SF3B6: variants seen among roughly 807,000 people sequenced by gnomAD.
SF3B6 encodes the protein SF3b 14 kDa subunit.
In SF3B6, 3 loss-of-function variants were observed where a neutral mutation model predicts 15.9. The ratio of observed to expected loss-of-function variants is 0.19; its 90% CI spans 0.09 to 0.49. The LOEUF (loss-of-function observed/expected upper bound fraction) is 0.49, where lower values mean the gene tolerates loss of function less well. Among genes scored for constraint, SF3B6 ranks in the 20% least tolerant of loss-of-function variants. The pLI is 0.97. For synonymous variants in SF3B6, 49 were observed against 51.1 expected, an observed-to-expected ratio of 0.96 and a Z score of 0.18; for missense variants, 71 against 154.3, an observed-to-expected ratio of 0.46 and a Z score of 2.86.
At chr2:24,073,934 C>G (rs1351615831) in intron 2 of SF3B6, 142 bp downstream of exon 2, 1 of 626,848 alleles carries the variant, frequency 1.6e-6, no homozygotes, top group African/African-American at 1.9e-5. Flanking sequence ...GATCTCATCT[C>G]TCTGATCTCA....
chr2:24,068,453 G>T lies in SF3B6; in HGVS notation c.156C>A (p.Asn52Lys), dbSNP rs41281479. ...YGPIRQIRVG[N>K]TPETRGTAYV... ...AAGCTGTTCCTCTAGTTTCAGGTGT[G>T]TTCCCCCTGGAGAGGTAAGTTAAAC... is the stretch of plus-strand genomic sequence containing the variant. The change falls in exon 3 of 4, where the codon AAC (asparagine) becomes AAA (lysine). Residue 52 changes from asparagine to lysine, a missense_variant. Coordinates refer to ENST00000233468, the MANE Select transcript of SF3B6 (RefSeq NM_016047.4). 6.2e-7 allele frequency: 1 copy of T among 1,611,478 alleles called. No individual in the cohort carries two copies. The highest frequency in any genetic ancestry group is 8.5e-7 in the Non-Finnish European group (1 of 1,179,004).
chr2:24,076,104 C>A, intron 1 of SF3B6, 96 bp downstream of exon 1: 2 of 1,494,966 alleles, frequency 1.3e-6, no homozygotes, highest in Non-Finnish European at 1.9e-6. Context: ...GTTCTCCGCT[C>A]TGGGGACGGA....
At chr2:24,070,200 C>T (rs1324223078) in intron 2 of SF3B6, among the ~76,000 whole-genome samples, 1 of 152,182 alleles carries the variant, frequency 6.6e-6, no homozygotes, top group Non-Finnish European at 1.5e-5. Context: ...CTTTTAAAAG[C>T]ATGTATCTGT....
chr2:24,068,418 T>C lies in SF3B6; in HGVS notation c.191A>G (p.Tyr64Cys), dbSNP rs765449089. Residue 64 changes from tyrosine (Y) to cysteine (C), a missense_variant, in exon 3 of 4, where the codon TAT becomes TGT. This residue lies in a region of SF3B6 where 52 missense variants were observed against 113.2 expected (regional missense o/e 0.46). Transcript: ENST00000233468. ...PETRGTAYVV[Y>C]EDIFDAKNAC... ...ATTCTTGGCATCAAAGATGTCCTCA[T>C]AGACCACATAAGCTGTTCCTCTAGT... The C allele has an allele frequency of 6.2e-6, 10 of 1,614,000 alleles. No individual in the cohort carries two copies. In the African/African-American group the frequency reaches 6.7e-5, roughly 11 times the overall value.
intron 1 of SF3B6, among the ~76,000 whole-genome samples, chr2:24,075,950 G>A (rs1297082351): frequency 1.3e-5 from 2 of 151,980 alleles, no homozygotes; most frequent in African/African-American, 4.8e-5. Flanking sequence ...CAAGCAAAGA[G>A]GCTATAGGGG....
intron 2 of SF3B6, among the ~76,000 whole-genome samples, chr2:24,071,048 A>G (rs1664644428): frequency 6.6e-6 from 1 of 151,984 alleles, no homozygotes; most frequent in African/African-American, 2.4e-5. Flanking sequence ...GCTGGAGTAC[A>G]GTGGCATGAT....
At chr2:24,074,505 A>T (rs183822504) in intron 1 of SF3B6, among the ~76,000 whole-genome samples, 155 of 152,100 alleles carry the variant, frequency 1.0e-3, no homozygotes, top group Non-Finnish European at 2.0e-3. Flanking sequence ...CAAAAATTTT[A>T]AAAAATTAGC....
chr2:24,069,335 G>A (rs1053965142), intron 2 of SF3B6, among the ~76,000 whole-genome samples: 2 of 152,230 alleles, frequency 1.3e-5, no homozygotes, highest in Non-Finnish European at 2.9e-5. Flanking sequence ...CGAGGTTGCT[G>A]TTAGTGTAGT....
chr2:24,074,084 T>C lies in SF3B6; in HGVS notation c.141A>G (p.Gln47=). The change falls in exon 2 of 4, where the codon CAA becomes CAG. Residue 47 remains glutamine (Q), a synonymous_variant. Transcript: ENST00000233468. ...GACTCAGTAAGACTCACACTCTGAT[T>C]TGACGAATAGGTCCATATTTCCCAA... ...DIFGKYGPIR[Q]IRVGNTPETR... The C allele has an allele frequency of 6.4e-7, 1 of 1,561,738 alleles. No homozygotes were observed. Among genetic ancestry groups the C allele is most frequent in the Non-Finnish European group, 8.8e-7 (1 of 1,135,590 alleles).
At chr2:24,076,013 G>A (rs1664739342) in intron 1 of SF3B6, among the ~76,000 whole-genome samples, 187 bp downstream of exon 1, 1 of 152,078 alleles carries the variant, frequency 6.6e-6, no homozygotes, top group South Asian at 2.1e-4. Flanking sequence ...AAAAGGGGTG[G>A]GGACAGAAAT....
chr2:24,069,687 G>T (rs921754236), intron 2 of SF3B6, among the ~76,000 whole-genome samples: 1 of 152,140 alleles, frequency 6.6e-6, no homozygotes, highest in African/African-American at 2.4e-5. Flanking sequence ...CTATAGTCTG[G>T]GCCCTGTTCA....
intron 2 of SF3B6, among the ~76,000 whole-genome samples, chr2:24,070,304 C>T (rs942013565): frequency 1.3e-5 from 2 of 152,092 alleles, no homozygotes; most frequent in Admixed American, 1.3e-4. Flanking sequence ...CCACCATGCC[C>T]GACTAATTTT....
At chr2:24,070,659 G>C (rs932007449) in intron 2 of SF3B6, among the ~76,000 whole-genome samples, 1 of 152,102 alleles carries the variant, frequency 6.6e-6, no homozygotes, top group Admixed American at 6.5e-5. Flanking sequence ...GATTTGACTG[G>C]GACTGTCCAG....
At chr2:24,073,846 G>A (rs1664691194) in intron 2 of SF3B6, 4 of 384,746 alleles carry the variant, frequency 1.0e-5, no homozygotes, top group Non-Finnish European at 1.9e-5. Context: ...AATGCTTTGA[G>A]GAAACTCAAA....
chr2:24,070,051 C>G (rs1664629758), intron 2 of SF3B6, among the ~76,000 whole-genome samples: 1 of 152,146 alleles, frequency 6.6e-6, no homozygotes, highest in African/African-American at 2.4e-5. Context: ...CTAAACAAAG[C>G]AACTCTCTTT....
chr2:24,073,222 A>G (rs1664683797), intron 2 of SF3B6, among the ~76,000 whole-genome samples: 1 of 152,240 alleles, frequency 6.6e-6, no homozygotes, highest in Non-Finnish European at 1.5e-5. Flanking sequence ...AGAAATAAAA[A>G]CTTTATACGT....
intron 2 of SF3B6, 62 bp from the exon 3 acceptor site, chr2:24,068,521 A>G: frequency 6.9e-7 from 1 of 1,444,474 alleles, no homozygotes; most frequent in Non-Finnish European, 9.4e-7. Flanking sequence ...TAGTTGACTT[A>G]CAGAACTGTC....
At chr2:24,071,742 G>A (rs890922860) in intron 2 of SF3B6, among the ~76,000 whole-genome samples, 2 of 152,224 alleles carry the variant, frequency 1.3e-5, no homozygotes, top group Non-Finnish European at 2.9e-5. Flanking sequence ...ATGAGGAGGA[G>A]CCAGGCATGA....
chr2:24,075,527 C>T (rs1194000361), intron 1 of SF3B6, among the ~76,000 whole-genome samples: 1 of 151,692 alleles, frequency 6.6e-6, no homozygotes, highest in East Asian at 1.9e-4. Context: ...CCTCACTCGG[C>T]CTAACTTCAT....
Sources: allele counts gnomAD v4.1 joint callset (sites outside exome capture counted in the v4.1 genomes callset), GRCh38; gene constraint gnomAD v4.1.1; regional missense constraint gnomAD v4.1.1; transcripts MANE v1.5; gene names NCBI Gene and HGNC (gene_info 2026-07-23, HGNC 2026-07-21).